The following ABCC2 variants were observed in gnomAD, a reference collection of about 807,000 sequenced individuals.
ABCC2 encodes ATP-binding cassette sub-family C member 2.
In ABCC2, 157 loss-of-function variants were observed where a neutral mutation model predicts 173.4. That is an observed-to-expected ratio of 0.91 (90% CI 0.80 to 1.03). The LOEUF is 1.03. Ranked by LOEUF, ABCC2 falls within the 50% of genes least tolerant of loss-of-function variation. The pLI, the probability that ABCC2 is intolerant of heterozygous loss-of-function variation, is 0.00. For synonymous variants in ABCC2, 657 were observed against 693.5 expected, an observed-to-expected ratio of 0.95 and a Z score of 0.83; for missense variants, 1,822 against 1,852.3, an observed-to-expected ratio of 0.98 and a Z score of 0.30.
chr10:99,799,757 A>G (rs2037981794), intron 8 of ABCC2, among the ~76,000 whole-genome samples: 1 of 152,190 alleles, frequency 6.6e-6, no homozygotes, highest in African/African-American at 2.4e-5. Context: ...AAGACTTCAC[A>G]ATCTGTCATG....
intron 5 of ABCC2, 144 bp downstream of exon 5, chr10:99,794,143 T>C: frequency 1.5e-6 from 1 of 670,914 alleles, no homozygotes; most frequent in Non-Finnish European, 2.3e-6. Flanking sequence ...AGGAAACAGA[T>C]AGTGATGAGA....
chr10:99,819,005 G>A (rs1430767066), intron 18 of ABCC2, 48 bp downstream of exon 18: 1 of 1,586,006 alleles, frequency 6.3e-7, no homozygotes, highest in African/African-American at 1.3e-5. Flanking sequence ...GGGTGGGAGG[G>A]AGAGGGGAGG....
intron 4 of ABCC2, 63 bp from the exon 5 acceptor site, chr10:99,793,829 C>T (rs766786713): frequency 1.0e-5 from 16 of 1,564,674 alleles, no homozygotes; most frequent in Admixed American, 3.3e-5. Flanking sequence ...TTGATATATA[C>T]GGGCCATGTA....
intron 23 of ABCC2, 61 bp from the exon 24 acceptor site, chr10:99,834,319 A>T: frequency 1.3e-6 from 2 of 1,542,528 alleles, no homozygotes; most frequent in Non-Finnish European, 1.8e-6. Flanking sequence ...AGAACTAGGA[A>T]GATGTAAACT....
chr10:99,827,625 C>A (rs1315494582), intron 19 of ABCC2, among the ~76,000 whole-genome samples: 2 of 151,848 alleles, frequency 1.3e-5, no homozygotes, highest in Admixed American at 1.3e-4. Context: ...TAGTTCCTTA[C>A]CAATTCTTTT....
At chr10:99,836,663 C>A (rs1454915043) in intron 25 of ABCC2, among the ~76,000 whole-genome samples, 1 of 152,128 alleles carries the variant, frequency 6.6e-6, no homozygotes, top group Admixed American at 6.6e-5. Flanking sequence ...AACTGAACAT[C>A]CTCTGTTTAC....
At position 99,797,136 on chromosome 10, in the gene ABCC2, G is replaced by A. The variant is rs1318195492; in HGVS notation, c.672G>A (p.Glu224=). 1.2e-6 allele frequency: 2 copies of A among 1,614,032 alleles called. No individual in the cohort carries two copies. The highest frequency in any genetic ancestry group is 3.3e-5 in the Admixed American group (2 of 60,002). Residue 224 remains glutamate (E), a synonymous_variant, in exon 7 of 32, where the codon GAG becomes GAA. Coordinates refer to ENST00000647814, the MANE Select transcript of ABCC2 (RefSeq NM_000392.5). ...LKGYKRPLTL[E]DVWEVDEEMK... The stretch of plus-strand genomic sequence containing the variant: ...GCTACAAGCGTCCTCTGACACTCGA[G>A]GATGTCTGGGAAGTTGATGAAGAGA...
chr10:99,806,157 A>G (rs1035993311), intron 11 of ABCC2, among the ~76,000 whole-genome samples: 9 of 149,436 alleles, frequency 6.0e-5, no homozygotes, highest in Non-Finnish European at 1.2e-4. Flanking sequence ...TATTTCCTGT[A>G]TTTCCTGTAA....
At chr10:99,849,164 A>C (rs1472967761) in intron 30 of ABCC2, among the ~76,000 whole-genome samples, 1 of 152,070 alleles carries the variant, frequency 6.6e-6, no homozygotes, top group Non-Finnish European at 1.5e-5. Flanking sequence ...CGGGTGGCGG[A>C]GGTTGTGGTG....
chr10:99,796,180 C>T (rs1166020137), intron 6 of ABCC2, among the ~76,000 whole-genome samples: 3 of 151,816 alleles, frequency 2.0e-5, no homozygotes, highest in African/African-American at 4.8e-5. Context: ...CTGGCTAACA[C>T]GGTGAAACCC....
intron 25 of ABCC2, 120 bp from the exon 26 acceptor site, chr10:99,841,847 G>A (rs1008771494): frequency 1.1e-5 from 15 of 1,367,532 alleles, no homozygotes; most frequent in African/African-American, 1.4e-5. Flanking sequence ...TTGAGGCATT[G>A]CCTAAGAGTG....
chr10:99,782,668 T>C lies in ABCC2; in HGVS notation c.-177T>C, dbSNP rs915641794. 1 of 711,218 alleles carries C rather than the reference T, an allele frequency of 1.4e-6. No homozygotes were observed. Among genetic ancestry groups the C allele is most frequent in the Non-Finnish European group, 2.4e-6 (1 of 421,088 alleles). The allele number at this position is 711,218 out of a possible 1,614,324, so 44.1% of individuals were successfully genotyped here. A position where few individuals can be genotyped will look rare whatever the true frequency, so the allele number is the denominator to read the frequency against. On this transcript the variant is annotated 5_prime_UTR_variant, in exon 1 of 32. It removes the in-frame stop codon of an upstream open reading frame in the 5' UTR. Coordinates refer to ENST00000647814, the MANE Select transcript of ABCC2 (RefSeq NM_000392.5). ...CACATGTCCATCCACTGTTTCAATG[T>C]AACATGCATCTAGGCAAGGTTAACG...
At chr10:99,793,514 C>T (rs1214389054) in intron 3 of ABCC2, 37 bp from the exon 4 acceptor site, 1 of 1,613,560 alleles carries the variant, frequency 6.2e-7, no homozygotes, top group East Asian at 2.2e-5. Flanking sequence ...CGGTTAGTGG[C>T]AGTATTCTTC....
intron 30 of ABCC2, 101 bp downstream of exon 30, chr10:99,847,228 A>T: frequency 7.4e-7 from 1 of 1,347,962 alleles, no homozygotes; most frequent in Non-Finnish European, 1.1e-6. Flanking sequence ...TAGAATTTTC[A>T]TCCAGGTCTG....
chr10:99,814,204 T>TGC (rs2038287489), intron 16 of ABCC2, among the ~76,000 whole-genome samples: 1 of 73,468 alleles, frequency 1.4e-5, no homozygotes, highest in Admixed American at 1.3e-4. Context: ...TGTGTATATA[T>TGC]ACACACATGT....
At chr10:99,789,069 G>C (rs1279416993) in intron 2 of ABCC2, 1 of 154,284 alleles carries the variant, frequency 6.5e-6, no homozygotes, top group African/African-American at 2.4e-5. Flanking sequence ...TTCTGTCTCT[G>C]AAATCCATCA....
In ABCC2 at chr10:99,803,054, C is replaced by T. The variant is rs1395717454; in HGVS notation, c.1210-965C>T. ...CATGATCTCGGCTCACTGCAACCTC[C>T]GCCTTCCAGGTTCTAGCAGTTCTCC... is the stretch of plus-strand genomic sequence containing the variant. On this transcript the variant is annotated intron_variant, in intron 9 of 31. Coordinates refer to ENST00000647814, the MANE Select transcript of ABCC2 (RefSeq NM_000392.5). 5.3e-5 allele frequency among the ~76,000 whole-genome samples: 8 copies of T among 152,248 alleles called. No individual in the cohort carries two copies. In the East Asian group the frequency reaches 1.4e-3, roughly 26 times the overall value.
chr10:99,802,037 G>C (rs2038023670), intron 9 of ABCC2, among the ~76,000 whole-genome samples: 1 of 152,130 alleles, frequency 6.6e-6, no homozygotes, highest in Non-Finnish European at 1.5e-5. Flanking sequence ...AAGTTATGAG[G>C]TCACTAACCA....
Position 99,841,999 on chromosome 10 carries a change from A to G in ABCC2, c.3647A>G (p.Asn1216Ser). The G allele has an allele frequency of 1.2e-6, 2 of 1,614,114 alleles. No homozygotes were observed. Among genetic ancestry groups the G allele is most frequent in the Non-Finnish European group, 1.7e-6 (2 of 1,180,020 alleles). ...WLAIRLELVG[N>S]LTVFFSALMM... Reference sequence around the variant, plus strand: ...GCAATTCGCCTGGAGCTGGTTGGGAACCTGACTGTCTTCTTTTCAGCCTTG... The same window carrying G: ...GCAATTCGCCTGGAGCTGGTTGGGAGCCTGACTGTCTTCTTTTCAGCCTTG... Residue 1216 changes from asparagine to serine, a missense_variant, in exon 26 of 32, where the codon AAC becomes AGC. Coordinates refer to ENST00000647814, the MANE Select transcript of ABCC2 (RefSeq NM_000392.5).
Sources: allele counts gnomAD v4.1 joint callset (sites outside exome capture counted in the v4.1 genomes callset), GRCh38; gene constraint gnomAD v4.1.1; transcripts MANE v1.5; gene names NCBI Gene and HGNC (gene_info 2026-07-23, HGNC 2026-07-21).